Variants in CPQ observed in about 807,000 individuals in gnomAD.
The protein encoded by CPQ is Ser-Met dipeptidase.
Under a neutral mutation model 45.7 loss-of-function variants are expected in CPQ, and 37 were observed. The ratio of observed to expected loss-of-function variants is 0.81; its 90% CI spans 0.62 to 1.07. The LOEUF is 1.07. Ranked by LOEUF, CPQ falls within the 50% of genes least tolerant of loss-of-function variation. The pLI is 0.00. For synonymous variants in CPQ, 186 were observed against 205.8 expected (o/e 0.90, Z 0.82); for missense variants, 537 against 572.9 (o/e 0.94, Z 0.64).
chr8:96,776,741 C>CT (rs558518699), intron 1 of CPQ, among the ~76,000 whole-genome samples: 183 of 152,132 alleles, frequency 1.2e-3, no homozygotes, highest in Non-Finnish European at 1.6e-3. Flanking sequence ...AATTTTATCT[C>CT]TTTTTTTGTG....
chr8:97,103,336 G>A (rs745537302), intron 7 of CPQ, among the ~76,000 whole-genome samples: 43 of 152,172 alleles, frequency 2.8e-4, no homozygotes, highest in Non-Finnish European at 4.3e-4. Flanking sequence ...GTGCTATAAC[G>A]CAGAGTGGTG....
intron 2 of CPQ, among the ~76,000 whole-genome samples, chr8:96,785,710 G>T (rs1031351687): frequency 5.3e-5 from 8 of 152,170 alleles, no homozygotes; most frequent in African/African-American, 1.9e-4. Context: ...TAGAATTAAT[G>T]AAATAGAGAA....
chr8:96,864,850 T>G (rs1255495812), intron 3 of CPQ, among the ~76,000 whole-genome samples: 1 of 151,616 alleles, frequency 6.6e-6, no homozygotes, highest in Non-Finnish European at 1.5e-5. Context: ...GGAGTGAGAG[T>G]ATGTCTCTCC....
chr8:97,090,933 C>T (rs1028267062), intron 7 of CPQ, among the ~76,000 whole-genome samples: 3 of 152,164 alleles, frequency 2.0e-5, no homozygotes, highest in African/African-American at 4.8e-5. Flanking sequence ...AGTCCATGCC[C>T]CTTTAACTTC....
rs191653487 is a variant in CPQ at position 96,787,694 on chromosome 8, G to A, written c.433+2364G>A. Among the ~76,000 whole-genome samples the A allele has an allele frequency of 2.3e-3, 347 of 151,320 alleles. 4 individuals carry two copies. Among genetic ancestry groups the A allele is most frequent in the African/African-American group, 8.2e-3 (339 of 41,292 alleles). On this transcript the variant is annotated intron_variant, in intron 2 of 7. Transcript: ENST00000220763. ...TCACCAGTGAAGCAATCTCATTCAC[G>A]CTTTTCTTTGTGGGAAGATTTTTAA...
intron 5 of CPQ, among the ~76,000 whole-genome samples, chr8:97,022,520 C>G (rs555965979): frequency 6.6e-6 from 1 of 152,120 alleles, no homozygotes; most frequent in East Asian, 1.9e-4. Flanking sequence ...ACAGTGAACT[C>G]AAACAAATCA....
At chr8:96,882,066 A>G (rs1030875030) in intron 4 of CPQ, among the ~76,000 whole-genome samples, 3 of 152,216 alleles carry the variant, frequency 2.0e-5, no homozygotes, top group Non-Finnish European at 4.4e-5. Flanking sequence ...TCTTATGCAC[A>G]TGACTTCTCC....
chr8:96,755,184 A>T (rs1370932275), intron 1 of CPQ, among the ~76,000 whole-genome samples: 1 of 151,956 alleles, frequency 6.6e-6, no homozygotes, highest in Non-Finnish European at 1.5e-5. Context: ...TCCTTTATGC[A>T]CATTGTACAA....
chr8:96,880,077 G>A lies in CPQ; in HGVS notation c.849+72G>A, dbSNP rs1750861346. On this transcript the variant is annotated intron_variant, in intron 4 of 7. Coordinates refer to ENST00000220763, the MANE Select transcript of CPQ (RefSeq NM_016134.4). ...GTTTGAGTTATTAGAGATAGTTTGG[G>A]AAAGAGAGAACGTGAAACCACCTAG... 6.6e-6 allele frequency: 9 copies of A among 1,365,506 alleles called. No homozygotes were observed. The South Asian group carries it at 7.4e-5, about 11-fold the overall frequency. 84.6% of individuals were successfully genotyped at this position (1,365,506 alleles called of 1,614,324 possible). A position where few individuals can be genotyped will look rare whatever the true frequency, so the allele number is the denominator to read the frequency against.
intron 5 of CPQ, among the ~76,000 whole-genome samples, chr8:97,019,051 A>G (rs1354165586): frequency 1.3e-5 from 2 of 152,228 alleles, no homozygotes; most frequent in African/African-American, 4.8e-5. Context: ...AAACCCTGCA[A>G]GCTAGAAGGG....
intron 2 of CPQ, among the ~76,000 whole-genome samples, chr8:96,827,149 T>C (rs1811390731): frequency 6.6e-6 from 1 of 152,106 alleles, no homozygotes; most frequent in Non-Finnish European, 1.5e-5. Flanking sequence ...GACTGAGATA[T>C]CGCAGTTTAC....
chr8:96,817,243 C>T (rs1407239736), intron 2 of CPQ, among the ~76,000 whole-genome samples: 1 of 152,110 alleles, frequency 6.6e-6, no homozygotes, highest in Non-Finnish European at 1.5e-5. Flanking sequence ...GCTGCTTCAC[C>T]TTGCATTTTC....
At chr8:96,912,243 A>G (rs991017038) in intron 4 of CPQ, among the ~76,000 whole-genome samples, 2 of 152,230 alleles carry the variant, frequency 1.3e-5, no homozygotes, top group Non-Finnish European at 2.9e-5. Context: ...TGAAAGTTTT[A>G]TACCTTACTT....
chr8:96,964,236 C>T (rs992900684), intron 4 of CPQ, among the ~76,000 whole-genome samples: 1 of 145,844 alleles, frequency 6.9e-6, no homozygotes, highest in East Asian at 2.0e-4. Flanking sequence ...GGATATATAA[C>T]GAGGAGTAGC....
intron 3 of CPQ, among the ~76,000 whole-genome samples, chr8:96,854,760 T>C (rs1374296867): frequency 6.6e-6 from 1 of 152,100 alleles, no homozygotes; most frequent in Non-Finnish European, 1.5e-5. Flanking sequence ...GCTAATGCTT[T>C]AGTTACAGTC....
chr8:96,847,893 C>CTTTT (rs3036452), intron 3 of CPQ, among the ~76,000 whole-genome samples: 4 of 67,344 alleles, frequency 5.9e-5, no homozygotes, highest in African/African-American at 1.2e-4. Flanking sequence ...ATGAAAAGAG[C>CTTTT]TTTTTTTTTT....
intron 4 of CPQ, among the ~76,000 whole-genome samples, chr8:96,951,077 TA>T (rs370944911): frequency 2.0e-4 from 30 of 152,238 alleles, no homozygotes; most frequent in Admixed American, 3.3e-4. Flanking sequence ...ACAGATGAAA[TA>T]ATGCTTCTTT....
At chr8:96,957,923 T>G (rs1813382938) in intron 4 of CPQ, among the ~76,000 whole-genome samples, 1 of 151,776 alleles carries the variant, frequency 6.6e-6, no homozygotes. Flanking sequence ...AGCCACAGTC[T>G]TCTGGACTCA....
chr8:96,955,837 CTG>C (rs1813348235), intron 4 of CPQ, among the ~76,000 whole-genome samples: 1 of 152,168 alleles, frequency 6.6e-6, no homozygotes, highest in African/African-American at 2.4e-5. Flanking sequence ...AAAGCTGAAA[CTG>C]GATCCCTTCC....
Sources: gnomAD v4.1 joint callset for allele counts (sites outside exome capture counted in the v4.1 genomes callset) on GRCh38, gnomAD v4.1.1 for gene constraint, MANE v1.5 for transcripts, NCBI Gene and HGNC (gene_info 2026-07-23, HGNC 2026-07-21) for gene names.